Variants in GRIN2B observed in about 807,000 individuals in gnomAD.
GRIN2B encodes glutamate receptor ionotropic, NMDA 2B.
GRIN2B carries 5 observed loss-of-function variants against 114.5 expected under a neutral mutation model. The ratio of observed to expected loss-of-function variants is 0.04; its 90% CI spans 0.02 to 0.09. The LOEUF is 0.09. GRIN2B is among the 10% of genes least tolerant of loss of function. The probability of loss-of-function intolerance (pLI) is 1.00; values close to 1 mark genes in which losing one functional copy is unlikely to be tolerated. For synonymous variants in GRIN2B, 787 were observed against 745.1 expected, an observed-to-expected ratio of 1.06 and a Z score of -0.92; for missense variants, 1,108 against 1,943.5, an observed-to-expected ratio of 0.57 and a Z score of 8.08.
At position 13,824,814 on chromosome 12, in the gene GRIN2B, C is replaced by T. The variant is rs552075062; in HGVS notation, c.411+40984G>A. 2.4e-4 allele frequency among the ~76,000 whole-genome samples: 35 copies of T among 144,598 alleles called. No individual in the cohort carries two copies. In the South Asian group the frequency reaches 7.6e-3, roughly 31 times the overall value. 94.9% of individuals were successfully genotyped at this position (144,598 alleles called of 152,430 possible). A position where few individuals can be genotyped will look rare whatever the true frequency, so the allele number is the denominator to read the frequency against. ...GAGGTTGCAGTGAGCCGAGATTGTG[C>T]CACTGCACTCCAGCCTGGGCAACAG... On this transcript the variant is annotated intron_variant, in intron 3 of 13. Transcript: ENST00000609686.
chr12:13,748,656 AAAGTT>A (rs1201145229), intron 4 of GRIN2B, among the ~76,000 whole-genome samples: 6 of 152,356 alleles, frequency 3.9e-5, no homozygotes, highest in East Asian at 3.9e-4. Flanking sequence ...TCAATCAAAT[AAAGTT>A]ATCAGTTGGA....
chr12:13,851,981 A>G (rs1400273150), intron 3 of GRIN2B, among the ~76,000 whole-genome samples: 1 of 152,168 alleles, frequency 6.6e-6, no homozygotes, highest in Admixed American at 6.5e-5. Context: ...ACCACAGTGC[A>G]GCCTGGCTTC....
chr12:13,943,926 T>A (rs536525840), intron 2 of GRIN2B, among the ~76,000 whole-genome samples: 7 of 152,312 alleles, frequency 4.6e-5, no homozygotes, highest in African/African-American at 1.7e-4. Flanking sequence ...TGCTCACTGA[T>A]GTATCCCAGG....
chr12:13,857,741 C>G (rs1865687887), intron 3 of GRIN2B, among the ~76,000 whole-genome samples: 1 of 152,192 alleles, frequency 6.6e-6, no homozygotes, highest in Non-Finnish European at 1.5e-5. Flanking sequence ...CATTCCCACT[C>G]CTTTCCCCCC....
At chr12:13,719,043 T>C (rs1022713645) in intron 4 of GRIN2B, among the ~76,000 whole-genome samples, 1 of 152,012 alleles carries the variant, frequency 6.6e-6, no homozygotes, top group Non-Finnish European at 1.5e-5. Context: ...CACATGCCTG[T>C]TGTCACAAGA....
intron 4 of GRIN2B, among the ~76,000 whole-genome samples, chr12:13,717,620 G>A (rs978419494): frequency 3.9e-5 from 6 of 151,922 alleles, no homozygotes; most frequent in African/African-American, 1.2e-4. Context: ...GTAGACGCGC[G>A]AGAACCCACA....
At chr12:13,949,837 A>G (rs2136846388) in intron 2 of GRIN2B, among the ~76,000 whole-genome samples, 2 of 152,326 alleles carry the variant, frequency 1.3e-5, no homozygotes, top group Admixed American at 1.3e-4. Context: ...CTGTGTTTGC[A>G]GTACAGAAGC....
chr12:13,716,399 G>A (rs1950455786), intron 4 of GRIN2B, among the ~76,000 whole-genome samples: 1 of 151,876 alleles, frequency 6.6e-6, no homozygotes. Flanking sequence ...AGTAATCTAA[G>A]CATCTAAAAT....
intron 3 of GRIN2B, among the ~76,000 whole-genome samples, chr12:13,784,156 G>GGT (rs1565535940): frequency 6.7e-6 from 1 of 148,474 alleles, no homozygotes; most frequent in Non-Finnish European, 1.5e-5. Context: ...CCTGGGAGGC[G>GGT]GAGCTTGCAG....
intron 5 of GRIN2B, among the ~76,000 whole-genome samples, chr12:13,658,824 C>T (rs377675654): frequency 3.3e-5 from 5 of 151,904 alleles, no homozygotes; most frequent in East Asian, 3.9e-4. Flanking sequence ...TGAGAACCAC[C>T]GAGAAGTCAG....
At chr12:13,782,198 G>A (rs1024452988) in intron 3 of GRIN2B, among the ~76,000 whole-genome samples, 14 of 152,108 alleles carry the variant, frequency 9.2e-5, no homozygotes, top group Non-Finnish European at 1.8e-4. Context: ...TCAGCAGGAA[G>A]GCTACAGAGA....
intron 4 of GRIN2B, among the ~76,000 whole-genome samples, chr12:13,729,744 G>A (rs1863051036): frequency 6.7e-6 from 1 of 149,388 alleles, no homozygotes; most frequent in African/African-American, 2.5e-5. Flanking sequence ...GCTGCCGAAA[G>A]GAAATAACTA....
At chr12:13,850,923 T>C (rs571406994) in intron 3 of GRIN2B, among the ~76,000 whole-genome samples, 60 of 152,280 alleles carry the variant, frequency 3.9e-4, no homozygotes, top group African/African-American at 1.2e-3. Flanking sequence ...AGGAGAATAA[T>C]ACTACTGTCT....
rs1948530191 is a variant in GRIN2B, at chr12:13,560,627, A to G, written c.*2156T>C. On this transcript the variant is annotated 3_prime_UTR_variant, in exon 14 of 14. Transcript: ENST00000609686. Reference sequence around the variant, plus strand: ...GCCTTCTTCCTCCTGGAGGTGCCTCATGCCCTCTGTCCTCTCTCAGTCTTT... The same window carrying G: ...GCCTTCTTCCTCCTGGAGGTGCCTCGTGCCCTCTGTCCTCTCTCAGTCTTT... 1 of 152,268 alleles carries G rather than the reference A, an allele frequency of 6.6e-6. No individual in the cohort carries two copies. Among genetic ancestry groups the G allele is most frequent in the South Asian group, 2.1e-4 (1 of 4,824 alleles). The allele number at this position is 152,268 out of a possible 1,614,324, so 9.4% of individuals were successfully genotyped here.
At chr12:13,801,359 A>AT (rs1249121139) in intron 3 of GRIN2B, among the ~76,000 whole-genome samples, 3 of 152,008 alleles carry the variant, frequency 2.0e-5, no homozygotes, top group African/African-American at 4.8e-5. Context: ...CCTTTCTTCC[A>AT]TTTTTTCATC....
At chr12:13,677,704 C>T (rs1255675253) in intron 4 of GRIN2B, among the ~76,000 whole-genome samples, 1 of 152,034 alleles carries the variant, frequency 6.6e-6, no homozygotes, top group South Asian at 2.1e-4. Flanking sequence ...GTAGGCATCT[C>T]GGTGTTGGCT....
chr12:13,944,567 C>T (rs914876317), intron 2 of GRIN2B, among the ~76,000 whole-genome samples: 2 of 152,176 alleles, frequency 1.3e-5, no homozygotes, highest in Non-Finnish European at 2.9e-5. Context: ...AGTTATTCAG[C>T]ATCTTTGTAT....
chr12:13,674,086 G>A lies in GRIN2B; in HGVS notation c.1125+1659C>T, dbSNP rs555121819. On this transcript the variant is annotated intron_variant, in intron 5 of 13. Coordinates refer to ENST00000609686, the MANE Select transcript of GRIN2B (RefSeq NM_000834.5). ...ATCAAGAACATCAGGCAGGCCAAGC[G>A]CAGTGGCACACACCTGTAATTCCAG... Among the ~76,000 whole-genome samples the A allele has an allele frequency of 2.0e-3, 301 of 152,184 alleles. 2 individuals carry two copies. Among genetic ancestry groups the A allele is most frequent in the South Asian group, 0.014 (67 of 4,820 alleles).
intron 8 of GRIN2B, 55 bp from the exon 9 acceptor site, chr12:13,611,905 G>C: frequency 6.3e-7 from 1 of 1,577,552 alleles, no homozygotes; most frequent in Non-Finnish European, 8.7e-7. Context: ...AAAAGAATTC[G>C]AATTAATTCA....
Sources: allele counts gnomAD v4.1 joint callset (sites outside exome capture counted in the v4.1 genomes callset), GRCh38; gene constraint gnomAD v4.1.1; transcripts MANE v1.5; gene names NCBI Gene and HGNC (gene_info 2026-07-23, HGNC 2026-07-21).